The following LGSN variants were observed in gnomAD, a reference collection of about 807,000 sequenced individuals.
The protein encoded by LGSN is lengsin, lens protein with glutamine synthetase domain, also known as lengsin.
In LGSN, 21 loss-of-function variants were observed where a neutral mutation model predicts 19.5. The ratio of observed to expected loss-of-function variants is 1.07; its 90% confidence interval spans 0.76 to 1.55. The LOEUF (loss-of-function observed/expected upper bound fraction) is 1.55, where lower values mean the gene tolerates loss of function less well. Among genes scored for constraint, LGSN ranks in the 40% most tolerant of loss-of-function variants. The pLI is 0.00. For missense variants in LGSN, 673 were observed against 608.5 expected, an observed-to-expected ratio of 1.11 and a Z score of -1.12; for synonymous variants, 257 against 215.6, an observed-to-expected ratio of 1.19 and a Z score of -1.68.
At chr6:63,532,667 G>C in the LGSN span, among the ~76,000 whole-genome samples, 5 of 152,122 alleles carry the variant, frequency 3.3e-5, no homozygotes, top group Admixed American at 6.6e-5. Flanking sequence ...ATGATGGAGG[G>C]GAGGAAGTTG....
At chr6:63,480,984 TATAC>T in the LGSN span, among the ~76,000 whole-genome samples, 15 of 36,408 alleles carry the variant, frequency 4.1e-4, no homozygotes, top group African/African-American at 6.1e-4. Flanking sequence ...TATATATATA[TATAC>T]ACACACACAT....
the LGSN span, among the ~76,000 whole-genome samples, chr6:63,481,411 C>T: frequency 6.6e-6 from 1 of 151,342 alleles, no homozygotes; most frequent in Non-Finnish European, 1.5e-5. Context: ...GGTGCAATCT[C>T]GGCTCACTGC....
chr6:63,309,771 C>T (rs1020218149), intron 1 of LGSN, among the ~76,000 whole-genome samples: 1 of 152,140 alleles, frequency 6.6e-6, no homozygotes, highest in East Asian at 1.9e-4. Flanking sequence ...TAGCTATAGC[C>T]ACAATGCTGT....
chr6:63,518,349 G>A, the LGSN span, among the ~76,000 whole-genome samples: 1 of 152,066 alleles, frequency 6.6e-6, no homozygotes, highest in East Asian at 1.9e-4. Flanking sequence ...TAAACTAACA[G>A]CTTAGGTATC....
At chr6:63,451,937 T>C in the LGSN span, among the ~76,000 whole-genome samples, 2 of 152,134 alleles carry the variant, frequency 1.3e-5, no homozygotes, top group Non-Finnish European at 2.9e-5. Context: ...ACTTTTTATA[T>C]ATCACTGAAT....
At chr6:63,478,375 T>G in the LGSN span, among the ~76,000 whole-genome samples, 1 of 152,204 alleles carries the variant, frequency 6.6e-6, no homozygotes, top group East Asian at 1.9e-4. Context: ...GCGGAGTGAC[T>G]GCTAATGGAT....
chr6:63,530,117 T>A, the LGSN span, among the ~76,000 whole-genome samples: 3 of 152,102 alleles, frequency 2.0e-5, no homozygotes, highest in East Asian at 5.8e-4. Flanking sequence ...AGAAAATCAA[T>A]CCAAAGAAAC....
chr6:63,280,749 T>C lies in LGSN; in HGVS notation c.802A>G (p.Ile268Val), dbSNP rs374825374. 21 of 1,613,982 alleles carry C rather than the reference T, an allele frequency of 1.3e-5. No individual in the cohort carries two copies. The African/African-American group carries it at 2.3e-4, about 17-fold the overall frequency. ...ATGCCAAATTCAGGCAGGAAAGAGA[T>C]TTCCATCTGACCAGGCCTGGTAGAG... ...SSSTRPGQME[I>V]SFLPEFGISS... Residue 268 changes from isoleucine to valine, a missense_variant, in exon 4 of 4, where the codon ATC becomes GTC. Transcript: ENST00000370657.
chr6:63,291,362 T>C (rs900117219), intron 2 of LGSN, among the ~76,000 whole-genome samples: 2 of 152,048 alleles, frequency 1.3e-5, no homozygotes, highest in African/African-American at 2.4e-5. Flanking sequence ...ACTAGAAGGA[T>C]GGTGAATGTG....
the LGSN span, among the ~76,000 whole-genome samples, chr6:63,358,113 T>C: frequency 3.3e-5 from 5 of 152,236 alleles, no homozygotes; most frequent in South Asian, 2.1e-4. Context: ...TGCTTGTTTT[T>C]GTCAGGTTCG....
the LGSN span, among the ~76,000 whole-genome samples, chr6:63,382,847 A>G: frequency 6.6e-6 from 1 of 152,336 alleles, no homozygotes; most frequent in Admixed American, 6.5e-5. Flanking sequence ...ATACATATAT[A>G]ATAAGAATTA....
At chr6:63,514,037 T>G in the LGSN span, among the ~76,000 whole-genome samples, 2 of 150,724 alleles carry the variant, frequency 1.3e-5, no homozygotes, top group Non-Finnish European at 2.9e-5. Context: ...AAATGAATAA[T>G]ATATAAAATA....
At chr6:63,309,908 C>T (rs1768555497) in intron 1 of LGSN, among the ~76,000 whole-genome samples, 1 of 152,166 alleles carries the variant, frequency 6.6e-6, no homozygotes, top group East Asian at 1.9e-4. Flanking sequence ...CTTCATACTA[C>T]TGCCATGTTA....
the LGSN span, among the ~76,000 whole-genome samples, chr6:63,401,358 C>A: frequency 6.6e-6 from 1 of 151,250 alleles, no homozygotes; most frequent in African/African-American, 2.4e-5. Flanking sequence ...CATGAGCATG[C>A]CACTGCACAC....
chr6:63,319,628 A>G lies in LGSN; in HGVS notation c.30+286T>C, dbSNP rs114682349. On this transcript the variant is annotated intron_variant, in intron 1 of 3. Coordinates refer to ENST00000370657, the MANE Select transcript of LGSN (RefSeq NM_016571.3). ...AACCAAAATAGAAATAAATTTTTTT[A>G]TAGCATACTTATGCTTCTGAAACTC... Among the ~76,000 whole-genome samples, 451 of 152,218 alleles carry G rather than the reference A, an allele frequency of 3.0e-3. 3 individuals carry two copies. The highest frequency in any genetic ancestry group is 0.01 in the African/African-American group (424 of 41,520).
the LGSN span, among the ~76,000 whole-genome samples, chr6:63,449,104 C>T: frequency 1.3e-5 from 2 of 152,228 alleles, no homozygotes; most frequent in East Asian, 1.9e-4. Flanking sequence ...TATCTGCCAG[C>T]GGCAGGATTG....
chr6:63,525,703 T>C, the LGSN span, among the ~76,000 whole-genome samples: 2 of 152,020 alleles, frequency 1.3e-5, no homozygotes, highest in African/African-American at 4.8e-5. Context: ...CTTTCACCTT[T>C]CCCCCCAGGC....
the LGSN span, among the ~76,000 whole-genome samples, chr6:63,480,945 A>ATATATATATATATATCCC: frequency 4.1e-5 from 1 of 24,300 alleles, no homozygotes; most frequent in African/African-American, 1.6e-4. Flanking sequence ...AAAATGATAT[A>ATATATATATATATATCCC]TATATATATA....
chr6:63,512,083 C>CTTTTTT, the LGSN span, among the ~76,000 whole-genome samples: 1 of 148,470 alleles, frequency 6.7e-6, no homozygotes. Flanking sequence ...GCTCCATGTT[C>CTTTTTT]TTTTTTTTTT....
Sources: gnomAD v4.1 joint callset for allele counts (sites outside exome capture counted in the v4.1 genomes callset) on GRCh38, gnomAD v4.1.1 for gene constraint, MANE v1.5 for transcripts, NCBI Gene and HGNC (gene_info 2026-07-23, HGNC 2026-07-21) for gene names.